Variants in CEP112 observed in about 807,000 individuals in gnomAD.
The protein encoded by CEP112 is centrosomal protein 112, also known as centrosomal protein of 112 kDa.
In CEP112, 127 loss-of-function variants were observed where a neutral mutation model predicts 153.0. The observed-to-expected ratio is 0.83, with a 90% CI of 0.72 to 0.96. The LOEUF is 0.96. Among genes scored for constraint, CEP112 ranks in the 40% least tolerant of loss-of-function variants. The pLI, the probability that CEP112 is intolerant of heterozygous loss-of-function variation, is 0.00. For missense variants in CEP112, 1,089 were observed against 1,101.2 expected (o/e 0.99, Z 0.16); for synonymous variants, 358 against 374.4 (o/e 0.96, Z 0.51).
intron 16 of CEP112, among the ~76,000 whole-genome samples, chr17:66,008,223 A>G (rs1405439835): frequency 6.6e-6 from 1 of 152,124 alleles, no homozygotes; most frequent in East Asian, 1.9e-4. Flanking sequence ...TAAGTCACAT[A>G]TTCATATCAT....
intron 12 of CEP112, among the ~76,000 whole-genome samples, chr17:66,034,405 T>A (rs1028897969): frequency 2.0e-5 from 3 of 152,176 alleles, no homozygotes; most frequent in Non-Finnish European, 1.5e-5. Flanking sequence ...AATCTATTTC[T>A]TTTTTTCCTT....
At chr17:66,062,923 T>C in intron 11 of CEP112, 40 bp downstream of exon 11, 1 of 1,025,670 alleles carries the variant, frequency 9.7e-7, no homozygotes, top group East Asian at 2.6e-5. Flanking sequence ...CTTGGAAGCA[T>C]AAACTTTTAT....
At chr17:66,057,901 T>C (rs1158558693) in intron 11 of CEP112, among the ~76,000 whole-genome samples, 1 of 151,934 alleles carries the variant, frequency 6.6e-6, no homozygotes, top group Non-Finnish European at 1.5e-5. Context: ...GATACCAGCC[T>C]GGCCAACATG....
intron 6 of CEP112, among the ~76,000 whole-genome samples, 158 bp from the exon 7 acceptor site, chr17:66,096,790 C>T (rs896228743): frequency 2.6e-5 from 4 of 151,888 alleles, no homozygotes; most frequent in Non-Finnish European, 4.4e-5. Flanking sequence ...ATATTTTTAG[C>T]GGCTCCCTAC....
intron 21 of CEP112, among the ~76,000 whole-genome samples, chr17:65,830,650 C>A (rs2057036336): frequency 6.6e-6 from 1 of 152,204 alleles, no homozygotes; most frequent in Admixed American, 6.5e-5. Context: ...GGGGCAGAAT[C>A]TGTGGGAAGG....
intron 17 of CEP112, among the ~76,000 whole-genome samples, chr17:65,978,046 G>C (rs1054448652): frequency 9.2e-5 from 14 of 152,154 alleles, no homozygotes; most frequent in African/African-American, 3.4e-4. Flanking sequence ...TCACACTCCA[G>C]CCTGGGGGAC....
intron 21 of CEP112, among the ~76,000 whole-genome samples, chr17:65,786,840 T>C (rs757680529): frequency 1.3e-5 from 2 of 152,120 alleles, no homozygotes; most frequent in South Asian, 4.1e-4. Context: ...CCTGCCTTCG[T>C]CTCCCTAAGT....
At position 66,070,013 on chromosome 17, in the gene CEP112, A is replaced by G; in HGVS notation, c.769-12T>C. 1 of 1,518,818 alleles carries G rather than the reference A, an allele frequency of 6.6e-7. No individual in the cohort carries two copies. The highest frequency in any genetic ancestry group is 9.1e-7 in the Non-Finnish European group (1 of 1,097,304). 94.1% of individuals were successfully genotyped at this position (1,518,818 alleles called of 1,614,324 possible). Reference sequence around the variant, plus strand: ...GTTTTCATGTCCAGCTTCAAGAAAAATATTTCAAGGGTGTTATTAATTTAC... The same window carrying G: ...GTTTTCATGTCCAGCTTCAAGAAAAGTATTTCAAGGGTGTTATTAATTTAC... On this transcript the variant is annotated splice_polypyrimidine_tract_variant and intron_variant, in intron 8 of 26. Transcript: ENST00000535342.
At chr17:65,861,553 A>T (rs1443923905) in intron 20 of CEP112, among the ~76,000 whole-genome samples, 2 of 152,240 alleles carry the variant, frequency 1.3e-5, no homozygotes, top group Admixed American at 1.3e-4. Flanking sequence ...ATCAACAAGT[A>T]AAAGATAAAT....
intron 4 of CEP112, among the ~76,000 whole-genome samples, chr17:66,153,512 G>A (rs1891082903): frequency 6.6e-6 from 1 of 150,570 alleles, no homozygotes; most frequent in South Asian, 2.1e-4. Flanking sequence ...GGGGCTCTGG[G>A]TATAAGTCCA....
intron 23 of CEP112, among the ~76,000 whole-genome samples, chr17:65,693,024 AAC>A (rs377110914): frequency 6.6e-6 from 1 of 152,140 alleles, no homozygotes; most frequent in Non-Finnish European, 1.5e-5. Flanking sequence ...TCTATCTCTG[AAC>A]ACACACACAC....
At chr17:66,025,985 C>A (rs2065192415) in intron 16 of CEP112, among the ~76,000 whole-genome samples, 6 of 145,040 alleles carry the variant, frequency 4.1e-5, no homozygotes. Flanking sequence ...CACACACACC[C>A]CATTTGTATG....
rs189286288 is a variant in CEP112 at position 65,902,123 on chromosome 17, C to T, written c.2163+29G>A. On this transcript the variant is annotated intron_variant, in intron 20 of 26. Transcript: ENST00000535342. ...CTGATGACTTTTTAAAAACAGATAC[C>T]CGTTTTATCAAATATTATTGATAAT... The T allele has an allele frequency of 2.2e-4, 337 of 1,549,684 alleles. No individual in the cohort carries two copies. In the East Asian group the frequency reaches 5.1e-3, roughly 24 times the overall value.
chr17:65,655,307 C>T (rs1295757650), intron 24 of CEP112: 1 of 1,518,458 alleles, frequency 6.6e-7, no homozygotes, highest in African/African-American at 1.4e-5. Context: ...CAGCCTCAGA[C>T]ACTACAGCTG....
At chr17:66,086,789 G>C (rs2146214225) in intron 8 of CEP112, among the ~76,000 whole-genome samples, 1 of 151,902 alleles carries the variant, frequency 6.6e-6, no homozygotes, top group Middle Eastern at 3.4e-3. Context: ...TTTATTTCTA[G>C]GTGTTGATTC....
At chr17:65,772,458 A>G (rs1189378252) in intron 21 of CEP112, among the ~76,000 whole-genome samples, 1 of 152,172 alleles carries the variant, frequency 6.6e-6, no homozygotes, top group Non-Finnish European at 1.5e-5. Context: ...ATAAGAAAAT[A>G]TGAACATCAT....
At chr17:66,015,710 T>C (rs1246030161) in intron 16 of CEP112, among the ~76,000 whole-genome samples, 2 of 152,240 alleles carry the variant, frequency 1.3e-5, no homozygotes, top group African/African-American at 4.8e-5. Flanking sequence ...ATCATTCTCT[T>C]TGTACTGTAA....
chr17:65,908,662 C>G (rs2060172190), intron 19 of CEP112, among the ~76,000 whole-genome samples: 1 of 150,194 alleles, frequency 6.7e-6, no homozygotes, highest in Admixed American at 6.7e-5. Context: ...CCATTGCACT[C>G]CAGCCTGGGC....
intron 12 of CEP112, among the ~76,000 whole-genome samples, chr17:66,034,001 T>A (rs1424295589): frequency 6.6e-6 from 1 of 152,178 alleles, no homozygotes; most frequent in Non-Finnish European, 1.5e-5. Flanking sequence ...GAGACCCACT[T>A]ACATGAAGGG....
Sources: allele counts gnomAD v4.1 joint callset (sites outside exome capture counted in the v4.1 genomes callset), GRCh38; gene constraint gnomAD v4.1.1; transcripts MANE v1.5; gene names NCBI Gene and HGNC (gene_info 2026-07-23, HGNC 2026-07-21).